Variants in LHFPL7 observed in about 807,000 individuals in gnomAD.
The protein encoded by LHFPL7 is LHFPL tetraspan subfamily member 7 protein.
the LHFPL7 span, chr22:24,935,636 G>A: frequency 3.8e-6 from 6 of 1,580,022 alleles, no homozygotes; most frequent in Non-Finnish European, 1.7e-6. Context: ...TTGGCCAAGG[G>A]GTACCTCACT....
chr22:24,941,979 T>TTTTTTTTATTTA, the LHFPL7 span, among the ~76,000 whole-genome samples: 7 of 145,974 alleles, frequency 4.8e-5, no homozygotes, highest in African/African-American at 1.8e-4. Flanking sequence ...TTCAAATGTA[T>TTTTTTTTATTTA]TTTATTTATT....
chr22:24,944,190 A>G, the LHFPL7 span, among the ~76,000 whole-genome samples: 1 of 152,266 alleles, frequency 6.6e-6, no homozygotes, highest in Admixed American at 6.5e-5. Flanking sequence ...AGCAGTGAGG[A>G]AAATAGAAAA....
At chr22:24,944,560 C>G in the LHFPL7 span, among the ~76,000 whole-genome samples, 614 of 152,050 alleles carry the variant, frequency 4.0e-3, 3 homozygotes, top group African/African-American at 0.014. Flanking sequence ...AAGAGCGGTG[C>G]GCCTTGTAGC....
chr22:24,935,916 CT>C, the LHFPL7 span, among the ~76,000 whole-genome samples: 1 of 151,952 alleles, frequency 6.6e-6, no homozygotes, highest in Non-Finnish European at 1.5e-5. Context: ...CATCCATCTG[CT>C]CACCCATCAT....
the LHFPL7 span, among the ~76,000 whole-genome samples, chr22:24,943,718 G>A: frequency 7.2e-5 from 11 of 152,130 alleles, no homozygotes; most frequent in Admixed American, 3.9e-4. Context: ...TAATTTAAAG[G>A]CCAACGAACC....
chr22:24,945,456 G>A, the LHFPL7 span, among the ~76,000 whole-genome samples: 2 of 152,186 alleles, frequency 1.3e-5, no homozygotes, highest in African/African-American at 2.4e-5. Context: ...ATTTTGAAGG[G>A]CAAAGGTCAA....
the LHFPL7 span, chr22:24,935,544 G>A: frequency 6.2e-7 from 1 of 1,613,766 alleles, no homozygotes; most frequent in Non-Finnish European, 8.5e-7. Flanking sequence ...CTTGATGAAT[G>A]GGGAGGCAAG....
the LHFPL7 span, among the ~76,000 whole-genome samples, chr22:24,936,602 C>T: frequency 6.6e-6 from 1 of 152,190 alleles, no homozygotes; most frequent in Non-Finnish European, 1.5e-5. Flanking sequence ...CAGAAGATCC[C>T]CTGGCCTCCC....
chr22:24,941,562 AGTGAGAATCT>A, the LHFPL7 span, among the ~76,000 whole-genome samples: 1 of 149,652 alleles, frequency 6.7e-6, no homozygotes, highest in Non-Finnish European at 1.5e-5. Context: ...GCAAGACTCT[AGTGAGAATCT>A]GTGAATGTGG....
chr22:24,941,917 G>T, the LHFPL7 span, among the ~76,000 whole-genome samples: 1 of 151,888 alleles, frequency 6.6e-6, no homozygotes, highest in African/African-American at 2.4e-5. Flanking sequence ...CGCACGCCTC[G>T]GACTCCTAAA....
the LHFPL7 span, among the ~76,000 whole-genome samples, chr22:24,941,867 A>G: frequency 6.6e-6 from 1 of 151,948 alleles, no homozygotes; most frequent in Admixed American, 6.6e-5. Flanking sequence ...GGGTTTCACC[A>G]TGTTGGCCAG....
the LHFPL7 span, among the ~76,000 whole-genome samples, chr22:24,935,978 T>C: frequency 6.6e-6 from 1 of 152,032 alleles, no homozygotes; most frequent in South Asian, 2.1e-4. Flanking sequence ...TCCTCATCCA[T>C]CCACTAAAAT....
At chr22:24,938,263 C>G in the LHFPL7 span, 1 of 1,613,968 alleles carries the variant, frequency 6.2e-7, no homozygotes, top group Non-Finnish European at 8.5e-7. Flanking sequence ...AGGAGCCAGC[C>G]TCCGAGGAGC....
At chr22:24,939,585 A>G in the LHFPL7 span, 2 of 700,252 alleles carry the variant, frequency 2.9e-6, no homozygotes, top group Non-Finnish European at 5.2e-6. Flanking sequence ...ACTAATGGAG[A>G]CTGCAGGGAC....
the LHFPL7 span, among the ~76,000 whole-genome samples, chr22:24,944,437 A>G: frequency 6.6e-6 from 1 of 152,188 alleles, no homozygotes; most frequent in South Asian, 2.1e-4. Context: ...GAGGTGTCAG[A>G]GGAATATTCC....
chr22:24,942,143 C>T, the LHFPL7 span, among the ~76,000 whole-genome samples: 6 of 151,630 alleles, frequency 4.0e-5, no homozygotes, highest in African/African-American at 1.2e-4. Flanking sequence ...CATAGGCGCC[C>T]GCCACCATGC....
At chr22:24,939,450 G>C in the LHFPL7 span, 1 of 703,142 alleles carries the variant, frequency 1.4e-6, no homozygotes, top group Non-Finnish European at 2.6e-6. Context: ...GAAGGTCGGG[G>C]TCTGGAACCA....
chr22:24,938,034 G>C, the LHFPL7 span: 1 of 1,445,382 alleles, frequency 6.9e-7, no homozygotes, highest in Non-Finnish European at 9.3e-7. Context: ...GTTTATCTCT[G>C]AGGTCTGACC....
chr22:24,936,171 G>A, the LHFPL7 span, among the ~76,000 whole-genome samples: 6 of 151,868 alleles, frequency 4.0e-5, no homozygotes, highest in Non-Finnish European at 5.9e-5. Flanking sequence ...ACTCAGCCAT[G>A]TTCATCTCCA....
Sources: allele counts gnomAD v4.1 joint callset (sites outside exome capture counted in the v4.1 genomes callset), GRCh38; gene constraint gnomAD v4.1.1; transcripts MANE v1.5; gene names NCBI Gene and HGNC (gene_info 2026-07-23, HGNC 2026-07-21).